Variants in MGAM observed in about 807,000 individuals in gnomAD.
MGAM encodes alpha-1,4-glucosidase.
MGAM carries 253 observed loss-of-function variants against 358.8 expected under a neutral mutation model. That is an observed-to-expected ratio of 0.71 (90% CI 0.64 to 0.78). The LOEUF (loss-of-function observed/expected upper bound fraction) is 0.78. MGAM is among the 30% of genes least tolerant of loss of function. The pLI, the probability that MGAM is intolerant of heterozygous loss-of-function variation, is 0.00. For synonymous variants in MGAM, 1,105 were observed against 1,227.1 expected, an observed-to-expected ratio of 0.90 and a Z score of 2.08; for missense variants, 3,080 against 3,432.6, an observed-to-expected ratio of 0.90 and a Z score of 2.57.
rs375290704 is a variant in MGAM at position 142,042,697 on chromosome 7, A to AC, written c.2498+1851_2498+1852insC. ...ATAATATATAATATATATTATGTAT[A>AC]ATATTATATATAATATATTACATAT... On this transcript the variant is annotated intron_variant, in intron 21 of 70. Transcript: ENST00000475668. 8.0e-4 allele frequency among the ~76,000 whole-genome samples: 8 copies of AC among 9,976 alleles called. 1 individual carries two copies. The highest frequency in any genetic ancestry group is 1.2e-3 in the Non-Finnish European group (6 of 5,186). 6.5% of individuals were successfully genotyped at this position (9,976 alleles called of 152,430 possible).
At chr7:142,088,434 C>CATGTATGT (rs1814955730) in intron 57 of MGAM, among the ~76,000 whole-genome samples, 1 of 85,886 alleles carries the variant, frequency 1.2e-5, no homozygotes. Flanking sequence ...TCCATGTACC[C>CATGTATGT]ATCTATGTAT....
chr7:142,054,675 C>A, intron 26 of MGAM, 79 bp from the exon 27 acceptor site: 1 of 1,471,232 alleles, frequency 6.8e-7, no homozygotes, highest in South Asian at 1.4e-5. Context: ...ACTTTGTGTC[C>A]AAAAATCAAA....
rs754976235 is a variant in MGAM, at chr7:142,083,279, T to G, written c.6269-22T>G. 10 of 1,505,164 alleles carry G rather than the reference T, an allele frequency of 6.6e-6. 1 individual carries two copies. The highest frequency in any genetic ancestry group is 4.6e-5 in the South Asian group (4 of 86,302). The allele number at this position is 1,505,164 out of a possible 1,614,324, so 93.2% of individuals were successfully genotyped here. ...TGACGTGGAAAGTTTCCAGCTTGAT[T>G]AGCATTTTTCTTCATTTTCAGATGT... On this transcript the variant is annotated intron_variant, in intron 52 of 70. Transcript: ENST00000475668.
At chr7:142,041,920 TAATATATAATATATATATTA>T (rs1808673077) in intron 21 of MGAM, among the ~76,000 whole-genome samples, 1 of 20,606 alleles carries the variant, frequency 4.9e-5, no homozygotes, top group East Asian at 7.7e-4. Context: ...TATATACGTA[TAATATATAATATATATATTA>T]TATATATACA....
intron 1 of MGAM, among the ~76,000 whole-genome samples, chr7:142,002,374 CA>C (rs1804801281): frequency 1.3e-5 from 2 of 151,944 alleles, no homozygotes; most frequent in Admixed American, 1.3e-4. Context: ...ATAATAACAC[CA>C]TGATTAGTGA....
chr7:142,060,649 C>A (rs1812075628), intron 34 of MGAM, among the ~76,000 whole-genome samples: 1 of 152,268 alleles, frequency 6.6e-6, no homozygotes, highest in South Asian at 2.1e-4. Flanking sequence ...GTGGTGATTT[C>A]AATTCCAAGG....
At chr7:141,999,120 G>A (rs1343829766) in intron 1 of MGAM, among the ~76,000 whole-genome samples, 4 of 152,058 alleles carry the variant, frequency 2.6e-5, no homozygotes, top group Non-Finnish European at 5.9e-5. Context: ...TCATTGTTGT[G>A]TAGTCAGTTT....
At chr7:142,075,237 A>G (rs890937697) in intron 45 of MGAM, among the ~76,000 whole-genome samples, 2 of 146,526 alleles carry the variant, frequency 1.4e-5, no homozygotes, top group African/African-American at 4.9e-5. Context: ...ATCTTTATCT[A>G]TTCATCCACT....
rs1563214213 is a variant in MGAM, at chr7:142,088,780, TCTATCTA to T, written c.6810+2064_6810+2070del. Reference sequence around the variant, plus strand: ...ATCTATCTATCTATCTATCTATCTATCTATCTATCTATCTATCTATCATTCTATCCTA... The same window carrying T: ...ATCTATCTATCTATCTATCTATCTATTCTATCTATCTATCATTCTATCCTA... On this transcript the variant is annotated intron_variant, in intron 57 of 70. Transcript: ENST00000475668. Among the ~76,000 whole-genome samples the T allele has an allele frequency of 9.0e-4, 121 of 134,948 alleles. 14 individuals are homozygous for T. The highest frequency in any genetic ancestry group is 1.7e-3 in the Non-Finnish European group (105 of 60,076). The allele number at this position is 134,948 out of a possible 152,430, so 88.5% of individuals were successfully genotyped here.
At chr7:142,102,606 G>A in intron 68 of MGAM, 24 bp from the exon 69 acceptor site, 1 of 1,610,144 alleles carries the variant, frequency 6.2e-7, no homozygotes, top group Non-Finnish European at 8.5e-7. Context: ...TCCAGGCCAT[G>A]TTTATCTTGT....
At chr7:142,088,437 C>G (rs1349521908) in intron 57 of MGAM, among the ~76,000 whole-genome samples, 2 of 139,566 alleles carry the variant, frequency 1.4e-5, no homozygotes, top group African/African-American at 2.5e-5. Flanking sequence ...ATGTACCCAT[C>G]TATGTATGTA....
intron 45 of MGAM, among the ~76,000 whole-genome samples, chr7:142,075,941 T>C (rs1408771806): frequency 6.8e-6 from 1 of 146,164 alleles, no homozygotes; most frequent in Admixed American, 6.9e-5. Flanking sequence ...TGGGTGTATA[T>C]CCAGAGGACA....
At chr7:141,993,813 C>T (rs1554447815), upstream of MGAM, among the ~76,000 whole-genome samples, 1 of 152,172 alleles carries the variant, frequency 6.6e-6, no homozygotes, top group Non-Finnish European at 1.5e-5. Context: ...TTACGCTTAT[C>T]ATGTTTTTGA....
chr7:142,049,426 C>T (rs1427189854), intron 22 of MGAM, among the ~76,000 whole-genome samples: 2 of 151,990 alleles, frequency 1.3e-5, no homozygotes, highest in African/African-American at 4.8e-5. Flanking sequence ...AAAGCAAAGG[C>T]AAAATAGCAA....
Position 142,055,618 on chromosome 7 carries a change from C to A in MGAM, c.3375C>A (p.Arg1125=). Residue 1125 remains arginine (R), a synonymous_variant, in exon 28 of 71, where the codon CGC becomes CGA. Coordinates refer to ENST00000475668, the MANE Select transcript of MGAM (RefSeq NM_001365693.1). ...FSDMFIRIST[R]LPSKYLYGFG... is the part of the protein sequence containing the mutation. ...ACATGTTTATCCGCATCTCCACCCG[C>A]CTTCCCTCCAAGTACCTCTATGGCT... is the stretch of plus-strand genomic sequence containing the variant. 1 of 1,613,966 alleles carries A rather than the reference C, an allele frequency of 6.2e-7. No individual in the cohort carries two copies. The highest frequency in any genetic ancestry group is 2.2e-5 in the East Asian group (1 of 44,868).
At position 142,044,180 on chromosome 7, in the gene MGAM, C is replaced by T. The variant is rs1408990761; in HGVS notation, c.2498+3334C>T. On this transcript the variant is annotated intron_variant, in intron 21 of 70. Coordinates refer to ENST00000475668, the MANE Select transcript of MGAM (RefSeq NM_001365693.1). ...ACGTATAATATATACATTATATACACATACGACATATAATATATAATATAT... is the reference window on the plus strand; with the variant it reads ...ACGTATAATATATACATTATATACATATACGACATATAATATATAATATAT... Among the ~76,000 whole-genome samples, 2 of 137,170 alleles carry T rather than the reference C, an allele frequency of 1.5e-5. 1 individual carries two copies. The highest frequency in any genetic ancestry group is 3.1e-5 in the Non-Finnish European group (2 of 64,316). The allele number at this position is 137,170 out of a possible 152,430, so 90.0% of individuals were successfully genotyped here.
At chr7:142,085,694 TA>T in intron 54 of MGAM, 138 bp from the exon 55 acceptor site, 1 of 1,213,310 alleles carries the variant, frequency 8.2e-7, no homozygotes, top group Non-Finnish European at 1.1e-6. Context: ...CACCTGTACC[TA>T]ACAAATGGCA....
chr7:142,011,346 G>GTA (rs1269381503), intron 3 of MGAM, among the ~76,000 whole-genome samples: 1 of 152,114 alleles, frequency 6.6e-6, no homozygotes, highest in Admixed American at 6.5e-5. Flanking sequence ...AGCAGCAAGG[G>GTA]TATTGCATTT....
intron 7 of MGAM, among the ~76,000 whole-genome samples, chr7:142,023,891 C>G (rs10251374): frequency 0.027 from 4,164 of 152,250 alleles, 143 homozygotes; most frequent in African/African-American, 0.076. Context: ...GGGAACCACC[C>G]TCTGAGAGAG....
Sources: gnomAD v4.1 joint callset for allele counts (sites outside exome capture counted in the v4.1 genomes callset) on GRCh38, gnomAD v4.1.1 for gene constraint, MANE v1.5 for transcripts, NCBI Gene and HGNC (gene_info 2026-07-23, HGNC 2026-07-21) for gene names.